AR: variants seen among roughly 807,000 people sequenced by gnomAD.
AR encodes androgen receptor.
AR carries 8 observed loss-of-function variants against 53.9 expected under a neutral mutation model. The observed-to-expected ratio is 0.15, with a 90% confidence interval of 0.09 to 0.27. The LOEUF (loss-of-function observed/expected upper bound fraction) is 0.27, where lower values mean the gene tolerates loss of function less well. Ranked by LOEUF, AR falls within the 10% of genes least tolerant of loss-of-function variation. The pLI is 1.00. For missense variants in AR, 639 were observed against 742.5 expected, an observed-to-expected ratio of 0.86 and a Z score of 1.62; for synonymous variants, 359 against 316.4, an observed-to-expected ratio of 1.13 and a Z score of -1.43.
intron 3 of AR, among the ~76,000 whole-genome samples, chrX:67,691,149 A>G (rs1368103072): frequency 1.8e-5 from 2 of 112,217 alleles, no homozygotes; most frequent in Non-Finnish European, 3.8e-5. Flanking sequence ...AAGGCCAGCT[A>G]GAGAGAAATT....
intron 3 of AR, chrX:67,689,738 C>A: frequency 1.2e-6 from 1 of 830,426 alleles, no homozygotes; most frequent in Non-Finnish European, 1.5e-6. Flanking sequence ...AATTTAAATC[C>A]CTTGACTACT....
intron 2 of AR, among the ~76,000 whole-genome samples, chrX:67,650,497 TATTA>T (rs765435612): frequency 8.9e-5 from 10 of 112,254 alleles, no homozygotes; most frequent in African/African-American, 1.6e-4. Flanking sequence ...AGAAATTATG[TATTA>T]ATTCTCTGGG....
At chrX:67,570,611 C>A (rs1921773792) in intron 1 of AR, among the ~76,000 whole-genome samples, 1 of 110,805 alleles carries the variant, frequency 9.0e-6, no homozygotes, top group Non-Finnish European at 1.9e-5. Flanking sequence ...GAACTATGTT[C>A]TTTTTAAAAC....
At chrX:67,599,054 G>A (rs901498839) in intron 1 of AR, among the ~76,000 whole-genome samples, 1 of 111,391 alleles carries the variant, frequency 9.0e-6, no homozygotes, top group African/African-American at 3.3e-5. Flanking sequence ...AACCAGAAGA[G>A]GGTACCCAAA....
intron 3 of AR, among the ~76,000 whole-genome samples, chrX:67,701,770 A>G (rs1022442891): frequency 9.0e-6 from 1 of 111,388 alleles, no homozygotes; most frequent in Admixed American, 9.5e-5. Flanking sequence ...ATCTGTCACC[A>G]TTGGATAAGA....
At chrX:67,631,826 G>A (rs1454033545) in intron 1 of AR, among the ~76,000 whole-genome samples, 4 of 112,194 alleles carry the variant, frequency 3.6e-5, no homozygotes, top group African/African-American at 6.5e-5. Context: ...TGGTGTGGAT[G>A]TCCTTTCTGT....
At chrX:67,630,114 G>A (rs1349121917) in intron 1 of AR, among the ~76,000 whole-genome samples, 1 of 111,305 alleles carries the variant, frequency 9.0e-6, no homozygotes, top group Non-Finnish European at 1.9e-5. Context: ...TGTATATTCT[G>A]TTGATTTGGG....
At chrX:67,656,239 T>C (rs1293474882) in intron 2 of AR, among the ~76,000 whole-genome samples, 1 of 111,834 alleles carries the variant, frequency 8.9e-6, no homozygotes, top group Admixed American at 9.5e-5. Context: ...TCAGGCCTTG[T>C]ATGCATCCAG....
chrX:67,544,318 C>G lies in AR; in HGVS notation c.-829C>G, dbSNP rs924807045. ...CAAGGAAAGTGCCTGGTAGGACTGACGGCTGCCTTTGTCCTCCTCCTCTCC... is the reference window on the plus strand; with the variant it reads ...CAAGGAAAGTGCCTGGTAGGACTGAGGGCTGCCTTTGTCCTCCTCCTCTCC... On this transcript the variant is annotated 5_prime_UTR_variant, in exon 1 of 8. Transcript: ENST00000374690. 5.8e-6 allele frequency: 1 copy of G among 173,528 alleles called. No homozygotes were observed. Among genetic ancestry groups the G allele is most frequent in the Non-Finnish European group, 1.1e-5 (1 of 90,616 alleles). The allele number at this position is 173,528 out of a possible 1,213,427, so 14.3% of individuals were successfully genotyped here.
At chrX:67,662,986 C>T (rs1927023384) in intron 2 of AR, among the ~76,000 whole-genome samples, 1 of 111,610 alleles carries the variant, frequency 9.0e-6, no homozygotes, top group Non-Finnish European at 1.9e-5. Context: ...GATAAATCTT[C>T]TTCCATCCCT....
At chrX:67,686,694 G>A (rs768270832) in intron 3 of AR, among the ~76,000 whole-genome samples, 7 of 111,843 alleles carry the variant, frequency 6.3e-5, no homozygotes, top group African/African-American at 2.3e-4. Flanking sequence ...TCCCAAAGAT[G>A]AGCAGGTGTT....
At chrX:67,611,669 CA>C (rs1923886389) in intron 1 of AR, among the ~76,000 whole-genome samples, 1 of 111,226 alleles carries the variant, frequency 9.0e-6, no homozygotes, top group Non-Finnish European at 1.9e-5. Context: ...GTATTTTTGC[CA>C]AAAAGACTCA....
At chrX:67,552,768 T>C (rs1244956500) in intron 1 of AR, among the ~76,000 whole-genome samples, 2 of 112,224 alleles carry the variant, frequency 1.8e-5, no homozygotes. Context: ...ATTGTGGCTT[T>C]TATTTCCATT....
intron 2 of AR, among the ~76,000 whole-genome samples, chrX:67,657,646 A>G (rs954833111): frequency 6.2e-5 from 7 of 112,181 alleles, no homozygotes; most frequent in African/African-American, 2.3e-4. Context: ...GTGAAAACAC[A>G]TCACCTATCT....
chrX:67,622,085 T>C (rs773984063), intron 1 of AR, among the ~76,000 whole-genome samples: 18 of 112,102 alleles, frequency 1.6e-4, no homozygotes, highest in Admixed American at 2.8e-4. Context: ...CCCCAGTAAA[T>C]AGCTTCTTTA....
intron 3 of AR, among the ~76,000 whole-genome samples, chrX:67,707,018 T>C (rs1187543648): frequency 8.9e-6 from 1 of 112,090 alleles, no homozygotes; most frequent in East Asian, 2.8e-4. Context: ...AGAGACAGTT[T>C]GTTATAATTT....
At chrX:67,673,460 C>A (rs1489019761) in intron 2 of AR, among the ~76,000 whole-genome samples, 17 of 95,560 alleles carry the variant, frequency 1.8e-4, no homozygotes, top group African/African-American at 2.4e-4. Context: ...AGGTGTGCTT[C>A]ATTGTTTGCT....
In AR at chrX:67,726,143, T is replaced by C. The variant is rs988192235; in HGVS notation, c.*2302T>C. 1.1e-5 allele frequency: 2 copies of C among 174,190 alleles called. No individual in the cohort carries two copies. Among genetic ancestry groups the C allele is most frequent in the African/African-American group, 5.9e-5 (2 of 33,920 alleles). The allele number at this position is 174,190 out of a possible 1,213,427, so 14.4% of individuals were successfully genotyped here. Reference sequence around the variant, plus strand: ...AGCCAAACGAACTTCAAAACAGCTTTAAATAACAAGGGAGAGGGGAACCTA... The same window carrying C: ...AGCCAAACGAACTTCAAAACAGCTTCAAATAACAAGGGAGAGGGGAACCTA... On this transcript the variant is annotated 3_prime_UTR_variant, in exon 8 of 8. Coordinates refer to ENST00000374690, the MANE Select transcript of AR (RefSeq NM_000044.6).
intron 5 of AR, among the ~76,000 whole-genome samples, chrX:67,719,534 C>T (rs776794597): frequency 4.5e-5 from 5 of 111,858 alleles, no homozygotes; most frequent in Non-Finnish European, 9.4e-5. Flanking sequence ...ACCCATCAAA[C>T]CCAGGGCTCC....
Sources: gnomAD v4.1 joint callset for allele counts (sites outside exome capture counted in the v4.1 genomes callset) on GRCh38, gnomAD v4.1.1 for gene constraint, MANE v1.5 for transcripts, NCBI Gene and HGNC (gene_info 2026-07-23, HGNC 2026-07-21) for gene names.